The following XIRP2 variants were observed in gnomAD, a reference collection of about 807,000 sequenced individuals.
XIRP2 encodes xin actin binding repeat containing 2.
In XIRP2, 236 loss-of-function variants were observed where a neutral mutation model predicts 277.0. That is an observed-to-expected ratio of 0.85 (90% confidence interval 0.77 to 0.95). XIRP2 has a LOEUF of 0.95. Among genes scored for constraint, XIRP2 ranks in the 40% least tolerant of loss-of-function variants. The probability of loss-of-function intolerance (pLI) is 0.00; values close to 1 mark genes in which losing one functional copy is unlikely to be tolerated. For missense variants in XIRP2, 4,640 were observed against 4,157.5 expected (o/e 1.12, Z -3.19); for synonymous variants, 1,490 against 1,416.5 (o/e 1.05, Z -1.17).
chr2:166,958,904 T>C (rs1409906038), intron 2 of XIRP2, among the ~76,000 whole-genome samples: 1 of 151,750 alleles, frequency 6.6e-6, no homozygotes, highest in African/African-American at 2.4e-5. Flanking sequence ...GCAAAGGGGA[T>C]TTTCGAGAAC....
chr2:167,168,463 G>A (rs75737574), intron 3 of XIRP2, among the ~76,000 whole-genome samples: 15,034 of 151,884 alleles, frequency 0.099, 797 homozygotes, highest in South Asian at 0.15. Context: ...TTAATTTGGG[G>A]CATGTCTATT....
intron 2 of XIRP2, among the ~76,000 whole-genome samples, chr2:166,914,717 T>G (rs1684815887): frequency 6.6e-6 from 1 of 152,142 alleles, no homozygotes; most frequent in Admixed American, 6.5e-5. Context: ...TACAGTTACA[T>G]TATAGGTCTT....
Position 167,257,966 on chromosome 2 carries a change from A to G in XIRP2, c.*149A>G. The G allele has an allele frequency of 1.9e-6, 3 of 1,613,142 alleles. No individual in the cohort carries two copies. The highest frequency in any genetic ancestry group is 2.5e-6 in the Non-Finnish European group (3 of 1,179,442). On this transcript the variant is annotated 3_prime_UTR_variant, in exon 11 of 11. Coordinates refer to ENST00000409195, the MANE Select transcript of XIRP2 (RefSeq NM_152381.6). ...TGAAGGTTTTGGACATAAGCAGCAT[A>G]AAGATAGATGGAACTGCAAAAACCA...
At chr2:167,095,180 G>A (rs1690265332) in intron 2 of XIRP2, among the ~76,000 whole-genome samples, 1 of 152,162 alleles carries the variant, frequency 6.6e-6, no homozygotes, top group Non-Finnish European at 1.5e-5. Context: ...CTGAGACTTT[G>A]CTGAAGCTGC....
intron 2 of XIRP2, among the ~76,000 whole-genome samples, chr2:166,933,954 C>T (rs1685419518): frequency 6.6e-6 from 1 of 151,614 alleles, no homozygotes; most frequent in Non-Finnish European, 1.5e-5. Flanking sequence ...AATGGAAGGA[C>T]ACACGTTAAA....
chr2:167,094,702 C>A (rs969353533), intron 2 of XIRP2, among the ~76,000 whole-genome samples: 1 of 152,154 alleles, frequency 6.6e-6, no homozygotes, highest in African/African-American at 2.4e-5. Flanking sequence ...CAGTACCATG[C>A]TGTTTTGGTT....
intron 2 of XIRP2, among the ~76,000 whole-genome samples, chr2:167,134,594 T>C (rs1293758438): frequency 6.6e-6 from 1 of 152,118 alleles, no homozygotes; most frequent in Non-Finnish European, 1.5e-5. Flanking sequence ...TTCTTATCCA[T>C]GGGGGTCATG....
chr2:167,204,742 T>C (rs1693810513), intron 3 of XIRP2, among the ~76,000 whole-genome samples: 1 of 152,200 alleles, frequency 6.6e-6, no homozygotes, highest in African/African-American at 2.4e-5. Context: ...CCATCAGTGT[T>C]CTTTATTGAA....
At chr2:166,964,536 T>G (rs955859343) in intron 2 of XIRP2, among the ~76,000 whole-genome samples, 3 of 151,866 alleles carry the variant, frequency 2.0e-5, no homozygotes, top group Non-Finnish European at 4.4e-5. Context: ...GAAACTTGCT[T>G]ATCTACCAAA....
intron 2 of XIRP2, among the ~76,000 whole-genome samples, chr2:166,906,359 GACAT>G (rs932195484): frequency 1.3e-5 from 2 of 151,770 alleles, no homozygotes; most frequent in African/African-American, 4.8e-5. Flanking sequence ...CAAGTAAATA[GACAT>G]ACATAAACAT....
In XIRP2 at chr2:167,088,480, A is replaced by C. The variant is rs78961750; in HGVS notation, c.409-47429A>C. On this transcript the variant is annotated intron_variant, in intron 2 of 10. Coordinates refer to ENST00000409195, the MANE Select transcript of XIRP2 (RefSeq NM_152381.6). ...TTCTAACTCAGTTTTAGTACAACCT[A>C]TTCTCCACATTACAGCCAGGATGAT... Among the ~76,000 whole-genome samples, 67 of 152,276 alleles carry C rather than the reference A, an allele frequency of 4.4e-4. No individual in the cohort carries two copies. In the East Asian group the frequency reaches 8.1e-3, roughly 18 times the overall value.
intron 2 of XIRP2, among the ~76,000 whole-genome samples, chr2:167,111,515 T>C (rs1158836790): frequency 6.6e-6 from 1 of 152,096 alleles, no homozygotes; most frequent in African/African-American, 2.4e-5. Flanking sequence ...TATCTACCAG[T>C]CATAAACTCT....
At chr2:167,052,903 G>A in intron 2 of XIRP2, among the ~76,000 whole-genome samples, 1 of 152,142 alleles carries the variant, frequency 6.6e-6, no homozygotes, top group Admixed American at 6.6e-5. Context: ...TTAAATTCAA[G>A]CTTATTGAGT....
At chr2:167,100,729 GCTT>G (rs747538377) in intron 2 of XIRP2, among the ~76,000 whole-genome samples, 3 of 152,154 alleles carry the variant, frequency 2.0e-5, no homozygotes, top group African/African-American at 4.8e-5. Context: ...AAATCAAACT[GCTT>G]CTTCTTGTTA....
chr2:167,061,187 G>A (rs998377482), intron 2 of XIRP2, among the ~76,000 whole-genome samples: 2 of 151,910 alleles, frequency 1.3e-5, no homozygotes, highest in African/African-American at 2.4e-5. Flanking sequence ...ATTGACTTTT[G>A]GATACCTGTC....
At chr2:167,240,069 A>G (rs1695010805) in intron 6 of XIRP2, 104 bp downstream of exon 6, 1 of 916,698 alleles carries the variant, frequency 1.1e-6, no homozygotes, top group African/African-American at 1.8e-5. Flanking sequence ...TGTATCTAGT[A>G]TCAATACCTA....
intron 2 of XIRP2, among the ~76,000 whole-genome samples, chr2:166,995,984 C>G (rs763710593): frequency 6.6e-6 from 1 of 152,182 alleles, no homozygotes; most frequent in Non-Finnish European, 1.5e-5. Context: ...GACAGCTCCT[C>G]TCCTCTTTTT....
At chr2:167,090,269 T>G (rs1690102365) in intron 2 of XIRP2, among the ~76,000 whole-genome samples, 1 of 152,136 alleles carries the variant, frequency 6.6e-6, no homozygotes, top group African/African-American at 2.4e-5. Context: ...TAGGGTACTT[T>G]AACTCCATAT....
At chr2:167,166,766 C>T (rs969982817) in intron 3 of XIRP2, among the ~76,000 whole-genome samples, 5 of 152,072 alleles carry the variant, frequency 3.3e-5, no homozygotes, top group East Asian at 1.9e-4. Context: ...GGATCTGCCC[C>T]GATGATCCAA....
Sources: gnomAD v4.1 joint callset for allele counts (sites outside exome capture counted in the v4.1 genomes callset) on GRCh38, gnomAD v4.1.1 for gene constraint, MANE v1.5 for transcripts, NCBI Gene and HGNC (gene_info 2026-07-23, HGNC 2026-07-21) for gene names.